ITGA8: variants seen among roughly 807,000 people sequenced by gnomAD.
The protein encoded by ITGA8 is integrin subunit alpha 8.
A neutral mutation model predicts 142.3 loss-of-function variants in ITGA8; 91 were observed. The observed-to-expected ratio is 0.64, with a 90% CI of 0.54 to 0.76. The LOEUF is 0.76. Ranked by LOEUF, ITGA8 falls within the 30% of genes least tolerant of loss-of-function variation. ITGA8 has a pLI of 0.00. For missense variants in ITGA8, 1,406 were observed against 1,327.7 expected (o/e 1.06, Z -0.92); for synonymous variants, 505 against 485.2 (o/e 1.04, Z -0.54).
intron 10 of ITGA8, 92 bp downstream of exon 10, chr10:15,658,907 T>C: frequency 1.1e-6 from 1 of 893,566 alleles, no homozygotes; most frequent in Non-Finnish European, 1.8e-6. Flanking sequence ...GCTCATTAAA[T>C]ATTTGTCAAA....
chr10:15,683,252 T>A (rs957790856), intron 4 of ITGA8, among the ~76,000 whole-genome samples: 9 of 151,624 alleles, frequency 5.9e-5, no homozygotes, highest in African/African-American at 1.9e-4. Context: ...TAAAGGACTC[T>A]GAGTAGATGA....
intron 28 of ITGA8, among the ~76,000 whole-genome samples, chr10:15,526,284 C>A (rs750747944): frequency 6.6e-6 from 1 of 151,860 alleles, no homozygotes; most frequent in African/African-American, 2.4e-5. Flanking sequence ...TCAAGAGATT[C>A]TCTTGCCTCA....
intron 9 of ITGA8, among the ~76,000 whole-genome samples, chr10:15,660,203 G>T (rs1020998132): frequency 4.6e-5 from 7 of 152,144 alleles, no homozygotes; most frequent in South Asian, 2.1e-4. Context: ...AGCCTTGTGG[G>T]TATGTGACTT....
At chr10:15,558,009 T>C (rs1011877077) in intron 26 of ITGA8, 65 bp downstream of exon 26, 2 of 1,572,332 alleles carry the variant, frequency 1.3e-6, no homozygotes, top group African/African-American at 1.4e-5. Flanking sequence ...TAAAACTATC[T>C]GTATTTGAGG....
rs1564388871 is a variant in ITGA8, at chr10:15,644,468, AT to A, written c.1208-248del. The stretch of plus-strand genomic sequence containing the variant: ...TATATATATATATATATATATATAT[AT>A]ATATATATATATATATATATATAGA... On this transcript the variant is annotated intron_variant, in intron 12 of 29. Transcript: ENST00000378076. Among the ~76,000 whole-genome samples the A allele has an allele frequency of 3.4e-3, 83 of 24,222 alleles. 9 individuals are homozygous for A. The highest frequency in any genetic ancestry group is 5.7e-3 in the African/African-American group (62 of 10,910). The allele number at this position is 24,222 out of a possible 152,430, so 15.9% of individuals were successfully genotyped here.
In ITGA8 at chr10:15,575,426, A is replaced by G. The variant is rs1412887173; in HGVS notation, c.2478+63T>C. On this transcript the variant is annotated intron_variant, in intron 24 of 29. Transcript: ENST00000378076. ...TGATAATGATAATAATGCTACATAG[A>G]ATTTATTTGCACAGAGCTTAAGAAT... 6.3e-6 allele frequency: 7 copies of G among 1,111,756 alleles called. No homozygotes were observed. In the Admixed American group the frequency reaches 1.0e-4, roughly 16 times the overall value. The allele number at this position is 1,111,756 out of a possible 1,614,324, so 68.9% of individuals were successfully genotyped here.
chr10:15,534,336 C>T (rs1332803975), intron 27 of ITGA8, among the ~76,000 whole-genome samples: 1 of 152,162 alleles, frequency 6.6e-6, no homozygotes, highest in Non-Finnish European at 1.5e-5. Flanking sequence ...TTGGAAGGTT[C>T]ACATTGTTGT....
At chr10:15,606,454 C>A in intron 17 of ITGA8, 32 bp from the exon 18 acceptor site, 1 of 1,569,784 alleles carries the variant, frequency 6.4e-7, no homozygotes, top group Admixed American at 1.7e-5. Context: ...TCAACAGAGG[C>A]TCCATGAAAT....
chr10:15,659,919 C>G (rs1424506412), intron 9 of ITGA8, among the ~76,000 whole-genome samples: 5 of 152,070 alleles, frequency 3.3e-5, no homozygotes, highest in Non-Finnish European at 7.4e-5. Context: ...TATTGTCCTG[C>G]CCACAATTTG....
chr10:15,530,059 C>T (rs1202024862), intron 28 of ITGA8, among the ~76,000 whole-genome samples: 1 of 152,160 alleles, frequency 6.6e-6, no homozygotes, highest in Non-Finnish European at 1.5e-5. Context: ...TTTTTTGGAG[C>T]ACTATGCTTT....
At chr10:15,633,259 G>A (rs985431902) in intron 13 of ITGA8, among the ~76,000 whole-genome samples, 1 of 151,850 alleles carries the variant, frequency 6.6e-6, no homozygotes, top group Non-Finnish European at 1.5e-5. Flanking sequence ...AAAAAACTAG[G>A]AAGCATTTCC....
intron 11 of ITGA8, among the ~76,000 whole-genome samples, chr10:15,651,427 G>C (rs1258353781): frequency 6.6e-6 from 1 of 152,066 alleles, no homozygotes; most frequent in Non-Finnish European, 1.5e-5. Flanking sequence ...CAACTGTTAA[G>C]TCTAAATGTT....
chr10:15,705,859 T>C (rs1040800187), intron 2 of ITGA8, among the ~76,000 whole-genome samples: 5 of 152,196 alleles, frequency 3.3e-5, no homozygotes, highest in Admixed American at 1.3e-4. Flanking sequence ...TCCTTCCTTG[T>C]GTTTTGTACA....
chr10:15,538,727 A>C (rs1447411508), intron 27 of ITGA8, among the ~76,000 whole-genome samples: 1 of 152,068 alleles, frequency 6.6e-6, no homozygotes, highest in Non-Finnish European at 1.5e-5. Flanking sequence ...TGTTCAGTCT[A>C]AAGAAGTGCT....
intron 2 of ITGA8, among the ~76,000 whole-genome samples, chr10:15,694,218 ATATCATATATAT>A (rs1347507285): frequency 1.4e-5 from 2 of 138,478 alleles, no homozygotes; most frequent in African/African-American, 5.2e-5. Context: ...ATATGATAAC[ATATCATATATAT>A]GATAATATAT....
chr10:15,607,684 T>C lies in ITGA8; in HGVS notation c.1757A>G (p.Tyr586Cys). The change falls in exon 17 of 30, where the codon TAC becomes TGC. Residue 586 changes from tyrosine to cysteine, a missense_variant. Transcript: ENST00000378076. ...KSHQCQDFIV[Y>C]LRDETEFRDK... ...TCTTTCTGGAATACTTACTCGAAGG[T>C]AAACGATGAAATCCTGGCACTGGTG... 1 of 1,613,790 alleles carries C rather than the reference T, an allele frequency of 6.2e-7. No individual in the cohort carries two copies. The highest frequency in any genetic ancestry group is 8.5e-7 in the Non-Finnish European group (1 of 1,179,746).
chr10:15,572,411 C>A (rs754860563), intron 24 of ITGA8, 42 bp from the exon 25 acceptor site: 17 of 1,591,004 alleles, frequency 1.1e-5, no homozygotes, highest in Non-Finnish European at 1.5e-5. Flanking sequence ...CAGCAGAAGG[C>A]AGAGAGATAA....
At chr10:15,682,549 A>G (rs1251521542) in intron 4 of ITGA8, among the ~76,000 whole-genome samples, 2 of 152,178 alleles carry the variant, frequency 1.3e-5, no homozygotes, top group Non-Finnish European at 2.9e-5. Flanking sequence ...AATCCTCACT[A>G]AAAGCCATCA....
At chr10:15,585,510 C>T (rs2131591411) in intron 23 of ITGA8, among the ~76,000 whole-genome samples, 1 of 152,324 alleles carries the variant, frequency 6.6e-6, no homozygotes, top group East Asian at 1.9e-4. Flanking sequence ...GAAATACCAG[C>T]TGTCATCATC....
Sources: allele counts gnomAD v4.1 joint callset (sites outside exome capture counted in the v4.1 genomes callset), GRCh38; gene constraint gnomAD v4.1.1; transcripts MANE v1.5; gene names NCBI Gene and HGNC (gene_info 2026-07-23, HGNC 2026-07-21).